The following MPDZ variants were observed in gnomAD, a reference collection of about 807,000 sequenced individuals.
MPDZ encodes multiple PDZ domain crumbs cell polarity complex component.
MPDZ carries 234 observed loss-of-function variants against 239.1 expected under a neutral mutation model. The ratio of observed to expected loss-of-function variants is 0.98; its 90% CI spans 0.88 to 1.09. The LOEUF (loss-of-function observed/expected upper bound fraction) is 1.09, where lower values mean the gene tolerates loss of function less well. MPDZ is among the 50% of genes least tolerant of loss of function. MPDZ has a pLI of 0.00. For missense variants in MPDZ, 3,175 were observed against 2,510.0 expected, an observed-to-expected ratio of 1.26 and a Z score of -5.66; for synonymous variants, 1,048 against 881.3, an observed-to-expected ratio of 1.19 and a Z score of -3.35.
intron 32 of MPDZ, among the ~76,000 whole-genome samples, chr9:13,127,601 A>G (rs1270999689): frequency 6.6e-6 from 1 of 152,218 alleles, no homozygotes; most frequent in Non-Finnish European, 1.5e-5. Context: ...AAATATACAC[A>G]CAAGTTAAAT....
chr9:13,227,157 TTTG>T (rs1960880966), intron 3 of MPDZ, among the ~76,000 whole-genome samples: 1 of 151,826 alleles, frequency 6.6e-6, no homozygotes, highest in African/African-American at 2.4e-5. Flanking sequence ...TACATAAGAG[TTTG>T]TTACCTATCC....
intron 3 of MPDZ, among the ~76,000 whole-genome samples, chr9:13,244,951 C>T (rs1191906925): frequency 5.9e-5 from 9 of 151,980 alleles, no homozygotes; most frequent in Non-Finnish European, 1.3e-4. Flanking sequence ...ATCAGAGGGT[C>T]GTATTTTCTA....
At chr9:13,211,367 C>G (rs3780576) in intron 10 of MPDZ, among the ~76,000 whole-genome samples, 80,005 of 151,888 alleles carry the variant, frequency 0.53, 25,335 homozygotes, top group Non-Finnish European at 0.7. Context: ...TTTGTTATCA[C>G]CAACTAAATA....
rs1946711919 is a variant in MPDZ, at chr9:13,136,188, A to G, written c.4293-6T>C. The G allele has an allele frequency of 1.2e-6, 2 of 1,602,536 alleles. No homozygotes were observed. The highest frequency in any genetic ancestry group is 2.2e-5 in the South Asian group (2 of 90,134). On this transcript the variant is annotated splice_region_variant and splice_polypyrimidine_tract_variant and intron_variant, in intron 30 of 46. Transcript: ENST00000319217. Reference sequence around the variant, plus strand: ...GATTCACTGCATCTTTATTTCTAAAAGCAAAAAAACAACAACCTATTATAA... The same window carrying G: ...GATTCACTGCATCTTTATTTCTAAAGGCAAAAAAACAACAACCTATTATAA...
At chr9:13,180,823 G>A (rs1453876422) in intron 19 of MPDZ, among the ~76,000 whole-genome samples, 5 of 151,966 alleles carry the variant, frequency 3.3e-5, no homozygotes, top group Middle Eastern at 3.4e-3. Context: ...GTTATTTCCC[G>A]TAAATCTTTA....
intron 24 of MPDZ, among the ~76,000 whole-genome samples, 180 bp from the exon 25 acceptor site, chr9:13,150,868 T>C (rs766430428): frequency 6.6e-6 from 1 of 151,852 alleles, no homozygotes; most frequent in Admixed American, 6.6e-5. Context: ...ATACTCTCAA[T>C]AGAGTAAAAA....
chr9:13,170,852 T>C (rs1951695610), intron 21 of MPDZ, among the ~76,000 whole-genome samples: 1 of 152,202 alleles, frequency 6.6e-6, no homozygotes, highest in African/African-American at 2.4e-5. Context: ...TACTTTCCTT[T>C]CACCAAATGA....
intron 28 of MPDZ, among the ~76,000 whole-genome samples, chr9:13,138,790 G>A (rs1196075751): frequency 6.6e-6 from 1 of 152,144 alleles, no homozygotes; most frequent in Admixed American, 6.5e-5. Context: ...GACGCCTCAC[G>A]CAGGTGCTCC....
At chr9:13,198,626 C>T (rs1037491036) in intron 12 of MPDZ, among the ~76,000 whole-genome samples, 1 of 151,638 alleles carries the variant, frequency 6.6e-6, no homozygotes, top group Admixed American at 6.6e-5. Context: ...TTTGGTTGCC[C>T]GTGCTTTTGT....
chr9:13,139,766 T>G, intron 28 of MPDZ: 1 of 544,190 alleles, frequency 1.8e-6, no homozygotes, highest in Non-Finnish European at 3.4e-6. Context: ...AAAGGCAGAG[T>G]GAGCTTTAAC....
chr9:13,153,703 G>C (rs900813476), intron 24 of MPDZ, among the ~76,000 whole-genome samples: 15 of 152,010 alleles, frequency 9.9e-5, no homozygotes, highest in Non-Finnish European at 1.8e-4. Context: ...TTTAGCCATT[G>C]TACATATAGT....
chr9:13,142,659 T>C (rs868203115), intron 27 of MPDZ, among the ~76,000 whole-genome samples: 10 of 152,150 alleles, frequency 6.6e-5, no homozygotes, highest in African/African-American at 2.4e-4. Flanking sequence ...AAAGGGTTAG[T>C]TGGGGAACAA....
intron 46 of MPDZ, among the ~76,000 whole-genome samples, chr9:13,108,185 G>A (rs994126350): frequency 1.3e-5 from 2 of 152,060 alleles, no homozygotes; most frequent in Non-Finnish European, 2.9e-5. Context: ...GTAAAATTTT[G>A]AGATTCTAAA....
At chr9:13,152,226 G>A (rs988331804) in intron 24 of MPDZ, among the ~76,000 whole-genome samples, 3 of 152,222 alleles carry the variant, frequency 2.0e-5, no homozygotes, top group Admixed American at 2.0e-4. Context: ...GTCAAGACAT[G>A]AAGAGCAGTG....
intron 24 of MPDZ, among the ~76,000 whole-genome samples, chr9:13,155,047 T>C (rs1029788866): frequency 2.0e-5 from 3 of 152,060 alleles, no homozygotes; most frequent in Non-Finnish European, 2.9e-5. Flanking sequence ...TGAAACCCCA[T>C]CTTTACTAAA....
intron 4 of MPDZ, among the ~76,000 whole-genome samples, chr9:13,223,995 C>A (rs911954703): frequency 1.3e-5 from 2 of 151,878 alleles, no homozygotes; most frequent in Admixed American, 6.6e-5. Flanking sequence ...GATCACAACA[C>A]TGCACTCCAG....
At chr9:13,268,328 T>C (rs1438952391) in intron 1 of MPDZ, among the ~76,000 whole-genome samples, 1 of 152,024 alleles carries the variant, frequency 6.6e-6, no homozygotes, top group African/African-American at 2.4e-5. Context: ...AGCATGAAGG[T>C]ACTTGCATAG....
rs1944621662 is a variant in MPDZ, at chr9:13,123,192, C to T, written c.4914G>A (p.Gly1638=). The change falls in exon 36 of 47, where the codon GGG becomes GGA. Residue 1638 remains glycine, a synonymous_variant. Coordinates refer to ENST00000319217, the MANE Select transcript of MPDZ (RefSeq NM_001378778.1). ...AACCCCCAACGATGCTCAGGCCCAG[C>T]CCTGTTCGCCCTTTGGAAATCTCGA... The part of the protein sequence containing the change: ...TTIEISKGRT[G]LGLSIVGGSD... 1.2e-6 allele frequency: 2 copies of T among 1,613,110 alleles called. No individual in the cohort carries two copies. The highest frequency in any genetic ancestry group is 1.7e-6 in the Non-Finnish European group (2 of 1,179,810).
At chr9:13,124,079 C>T (rs534097273) in intron 35 of MPDZ, among the ~76,000 whole-genome samples, 1 of 152,286 alleles carries the variant, frequency 6.6e-6, no homozygotes, top group African/African-American at 2.4e-5. Flanking sequence ...AGCTAGGACA[C>T]TTGGTATAGT....
Sources: allele counts gnomAD v4.1 joint callset (sites outside exome capture counted in the v4.1 genomes callset), GRCh38; gene constraint gnomAD v4.1.1; transcripts MANE v1.5; gene names NCBI Gene and HGNC (gene_info 2026-07-23, HGNC 2026-07-21).